ST3GAL3: variants seen among roughly 807,000 people sequenced by gnomAD.
ST3GAL3 encodes CMP-N-acetylneuraminate-beta-1,4-galactoside alpha-2,3-sialyltransferase.
A neutral mutation model predicts 50.1 loss-of-function variants in ST3GAL3; 21 were observed. The observed-to-expected ratio is 0.42, with a 90% CI of 0.30 to 0.60. The LOEUF is 0.60. Among genes scored for constraint, ST3GAL3 ranks in the 20% least tolerant of loss-of-function variants. ST3GAL3 has a pLI of 0.19. For synonymous variants in ST3GAL3, 183 were observed against 190.0 expected (o/e 0.96, Z 0.30); for missense variants, 353 against 489.4 (o/e 0.72, Z 2.63).
At chr1:43,733,955 A>G (rs1177437323) in intron 1 of ST3GAL3, among the ~76,000 whole-genome samples, 1 of 152,136 alleles carries the variant, frequency 6.6e-6, no homozygotes, top group Non-Finnish European at 1.5e-5. Context: ...TAAAAATACA[A>G]AAAAATCAGC....
At chr1:43,844,125 A>C (rs2065857133) in intron 5 of ST3GAL3, among the ~76,000 whole-genome samples, 1 of 152,216 alleles carries the variant, frequency 6.6e-6, no homozygotes, top group South Asian at 2.1e-4. Context: ...AGGGCATGGC[A>C]TGTGGTAAGT....
chr1:43,855,365 T>C (rs1046913438), intron 5 of ST3GAL3, among the ~76,000 whole-genome samples: 1 of 152,168 alleles, frequency 6.6e-6, no homozygotes, highest in Non-Finnish European at 1.5e-5. Flanking sequence ...ATCCCATCAC[T>C]TTGGCCGGCC....
chr1:43,788,086 A>G (rs2154148635), intron 2 of ST3GAL3, among the ~76,000 whole-genome samples: 1 of 152,338 alleles, frequency 6.6e-6, no homozygotes, highest in East Asian at 1.9e-4. Context: ...CCCTCAAACA[A>G]TGCAAGTAAT....
At chr1:43,776,519 T>C (rs889156921) in intron 2 of ST3GAL3, among the ~76,000 whole-genome samples, 1 of 152,200 alleles carries the variant, frequency 6.6e-6, no homozygotes, top group East Asian at 1.9e-4. Flanking sequence ...TAAACTCTTA[T>C]TATCAATAAT....
intron 2 of ST3GAL3, chr1:43,743,625 G>T: frequency 3.4e-6 from 1 of 295,290 alleles, no homozygotes. Context: ...TTGACAGGTG[G>T]CCAATCCATG....
chr1:43,890,894 C>T (rs1035252372), intron 5 of ST3GAL3, among the ~76,000 whole-genome samples: 1 of 151,904 alleles, frequency 6.6e-6, no homozygotes, highest in African/African-American at 2.4e-5. Flanking sequence ...TGAACATGCT[C>T]AACAATATCC....
chr1:43,857,554 C>CCTTCCTT (rs2068724061), intron 5 of ST3GAL3, among the ~76,000 whole-genome samples: 1 of 100,132 alleles, frequency 1.0e-5, no homozygotes, highest in African/African-American at 3.7e-5. Context: ...TCCCTTCCTT[C>CCTTCCTT]CTTTCCTTCC....
intron 2 of ST3GAL3, among the ~76,000 whole-genome samples, chr1:43,770,190 G>A (rs371907450): frequency 2.1e-5 from 3 of 139,572 alleles, no homozygotes; most frequent in African/African-American, 7.9e-5. Context: ...AACTATGAAA[G>A]AGAGAGGAGA....
At chr1:43,875,285 G>A (rs748257355) in intron 5 of ST3GAL3, among the ~76,000 whole-genome samples, 79 of 152,290 alleles carry the variant, frequency 5.2e-4, no homozygotes, top group South Asian at 6.2e-4. Context: ...GAGGCAGTCA[G>A]GGAGTGAGCT....
At chr1:43,719,329 C>T (rs1315072008) in intron 1 of ST3GAL3, among the ~76,000 whole-genome samples, 1 of 151,888 alleles carries the variant, frequency 6.6e-6, no homozygotes, top group African/African-American at 2.4e-5. Flanking sequence ...CTACCTCACA[C>T]TCTATGGTGG....
intron 2 of ST3GAL3, among the ~76,000 whole-genome samples, chr1:43,766,917 T>G (rs1693271067): frequency 6.6e-6 from 1 of 152,040 alleles, no homozygotes; most frequent in Non-Finnish European, 1.5e-5. Flanking sequence ...AGATGAGAAG[T>G]GCATTCTAGG....
At chr1:43,788,998 C>T (rs922346227) in intron 2 of ST3GAL3, among the ~76,000 whole-genome samples, 1 of 150,498 alleles carries the variant, frequency 6.6e-6, no homozygotes, top group African/African-American at 2.4e-5. Flanking sequence ...CGTCTGAAGA[C>T]ATGAAGGCAT....
chr1:43,802,825 C>T (rs1028672378), intron 3 of ST3GAL3, among the ~76,000 whole-genome samples: 1 of 152,116 alleles, frequency 6.6e-6, no homozygotes, highest in African/African-American at 2.4e-5. Context: ...ATTTTGTTGC[C>T]GGCAATAAAA....
chr1:43,728,845 G>A (rs1330289347), intron 1 of ST3GAL3, among the ~76,000 whole-genome samples: 2 of 152,004 alleles, frequency 1.3e-5, no homozygotes, highest in Admixed American at 6.6e-5. Context: ...ATACACATAT[G>A]TATACACACA....
intron 5 of ST3GAL3, among the ~76,000 whole-genome samples, chr1:43,846,640 A>G (rs2066302132): frequency 6.6e-6 from 1 of 152,188 alleles, no homozygotes; most frequent in African/African-American, 2.4e-5. Flanking sequence ...CTGGGACCAC[A>G]AACACATGTC....
At chr1:43,786,321 T>C (rs1018547441) in intron 2 of ST3GAL3, among the ~76,000 whole-genome samples, 2 of 152,234 alleles carry the variant, frequency 1.3e-5, no homozygotes, top group African/African-American at 4.8e-5. Context: ...TACACCCTCC[T>C]GCAGATGCGG....
At chr1:43,884,365 T>C (rs1210191267) in intron 5 of ST3GAL3, among the ~76,000 whole-genome samples, 1 of 152,220 alleles carries the variant, frequency 6.6e-6, no homozygotes, top group Non-Finnish European at 1.5e-5. Context: ...CCATCTCCCA[T>C]GGAATTCATT....
At chr1:43,734,846 G>A (rs1677691180) in intron 1 of ST3GAL3, among the ~76,000 whole-genome samples, 1 of 151,712 alleles carries the variant, frequency 6.6e-6, no homozygotes, top group African/African-American at 2.4e-5. Flanking sequence ...TAATTTTGTG[G>A]CTGAGATATC....
chr1:43,752,248 C>G (rs1686433343), intron 2 of ST3GAL3, among the ~76,000 whole-genome samples: 1 of 152,182 alleles, frequency 6.6e-6, no homozygotes, highest in African/African-American at 2.4e-5. Flanking sequence ...GCTAATGAGG[C>G]TCAACAAGTT....
Sources: gnomAD v4.1 joint callset for allele counts (sites outside exome capture counted in the v4.1 genomes callset) on GRCh38, gnomAD v4.1.1 for gene constraint, MANE v1.5 for transcripts, NCBI Gene and HGNC (gene_info 2026-07-23, HGNC 2026-07-21) for gene names.